The following ANKUB1 variants were observed in gnomAD, a reference collection of about 807,000 sequenced individuals.
ANKUB1 encodes ankyrin repeat and ubiquitin domain containing 1.
Under a neutral mutation model 49.3 loss-of-function variants are expected in ANKUB1, and 42 were observed. The ratio of observed to expected loss-of-function variants is 0.85; its 90% confidence interval spans 0.67 to 1.10. ANKUB1 has a LOEUF of 1.10. Ranked by LOEUF, ANKUB1 falls within the 50% of genes least tolerant of loss-of-function variation. The pLI is 0.00. For synonymous variants in ANKUB1, 222 were observed against 231.0 expected (o/e 0.96, Z 0.35); for missense variants, 613 against 642.0 (o/e 0.95, Z 0.49).
At chr3:149,768,140 C>A (rs1717150560) in intron 4 of ANKUB1, 45 bp from the exon 5 acceptor site, 1 of 1,239,944 alleles carries the variant, frequency 8.1e-7, no homozygotes, top group Non-Finnish European at 1.1e-6. Flanking sequence ...AGAAAATCAG[C>A]AAACAGACAA....
At chr3:149,780,115 A>G in intron 3 of ANKUB1, 124 bp downstream of exon 3, 1 of 766,196 alleles carries the variant, frequency 1.3e-6, no homozygotes. Context: ...GTGAATATGT[A>G]AATAAAGTTA....
chr3:149,785,868 G>C (rs1383315080), intron 2 of ANKUB1, among the ~76,000 whole-genome samples: 1 of 152,150 alleles, frequency 6.6e-6, no homozygotes, highest in East Asian at 1.9e-4. Context: ...CTAGTTTACA[G>C]TCCCACCAAC....
chr3:149,786,893 T>G (rs1412297213), intron 2 of ANKUB1, among the ~76,000 whole-genome samples: 1 of 152,212 alleles, frequency 6.6e-6, no homozygotes, highest in Non-Finnish European at 1.5e-5. Context: ...CAATGTGTGA[T>G]ATTATTTCTG....
intron 5 of ANKUB1, among the ~76,000 whole-genome samples, chr3:149,763,696 A>G (rs1716869256): frequency 6.6e-6 from 1 of 152,196 alleles, no homozygotes; most frequent in South Asian, 2.1e-4. Flanking sequence ...TATTTTCTAG[A>G]CACACCTTAC....
At chr3:149,762,163 T>C (rs1022358139) in intron 5 of ANKUB1, among the ~76,000 whole-genome samples, 3 of 152,186 alleles carry the variant, frequency 2.0e-5, no homozygotes, top group African/African-American at 7.2e-5. Flanking sequence ...CCTTAAATGT[T>C]GGGGTCCTCC....
At chr3:149,782,991 A>G (rs1224819938) in intron 2 of ANKUB1, 1 of 152,156 alleles carries the variant, frequency 6.6e-6, no homozygotes, top group African/African-American at 2.4e-5. Context: ...TATCACATAA[A>G]TAAATAATAA....
chr3:149,781,789 C>T (rs1717883505), intron 2 of ANKUB1, among the ~76,000 whole-genome samples: 1 of 152,174 alleles, frequency 6.6e-6, no homozygotes, highest in South Asian at 2.1e-4. Context: ...GTACTTTGAT[C>T]TAGGGCCCAT....
At chr3:149,770,529 G>A in intron 4 of ANKUB1, 31 bp downstream of exon 4, 1 of 1,458,834 alleles carries the variant, frequency 6.9e-7, no homozygotes, top group Non-Finnish European at 9.4e-7. Flanking sequence ...CACAGCACTT[G>A]CTAAGTTAAT....
At position 149,767,466 on chromosome 3, in the gene ANKUB1, T is replaced by C. The variant is rs1445818909; in HGVS notation, c.1196A>G (p.Asp399Gly). 6.4e-7 allele frequency: 1 copy of C among 1,551,628 alleles called. No homozygotes were observed. Among genetic ancestry groups the C allele is most frequent in the Non-Finnish European group, 8.7e-7 (1 of 1,147,002 alleles). The change falls in exon 5 of 6, where the codon GAC becomes GGC. Residue 399 changes from aspartate (D) to glycine (G), a missense_variant. Physicochemically the swap from Asp to Gly is moderately conservative, Grantham distance 94. Coordinates refer to ENST00000446160, the MANE Select transcript of ANKUB1 (RefSeq NM_001144960.3). ...PVNPLAISQP[D>G]TRKQALKFHP... ...AAATTTGAGGGCTTGTTTTCTTGTG[T>C]CCGGCTGTGAAATTGCCAAAGGATT...
chr3:149,771,151 A>C (rs1717342735), intron 3 of ANKUB1, among the ~76,000 whole-genome samples: 1 of 152,268 alleles, frequency 6.6e-6, no homozygotes, highest in South Asian at 2.1e-4. Context: ...TCTCCGTTAC[A>C]AACATTAAAG....
intron 3 of ANKUB1, among the ~76,000 whole-genome samples, chr3:149,774,186 C>T (rs1019877749): frequency 1.3e-5 from 2 of 152,182 alleles, no homozygotes; most frequent in South Asian, 4.1e-4. Context: ...TTCTGAATTT[C>T]CTACTCTAAA....
chr3:149,783,819 T>A (rs1717969067), intron 2 of ANKUB1: 1 of 152,214 alleles, frequency 6.6e-6, no homozygotes, highest in Non-Finnish European at 1.5e-5. Flanking sequence ...GGAGAGATTA[T>A]CCATGGAGTC....
rs1445812710 is a variant in ANKUB1 at position 149,768,160 on chromosome 3, C to T, written c.567-65G>A. The T allele has an allele frequency of 1.3e-5, 14 of 1,075,144 alleles. No homozygotes were observed. The East Asian group carries it at 3.5e-4, about 27-fold the overall frequency. 66.6% of individuals were successfully genotyped at this position (1,075,144 alleles called of 1,614,324 possible). A position where few individuals can be genotyped will look rare whatever the true frequency, so the allele number is the denominator to read the frequency against. On this transcript the variant is annotated intron_variant, in intron 4 of 5. Transcript: ENST00000446160. ...ATCAGCAAACAGACAAATGTAGTTA[C>T]ACTAAATGCTCATGAAATATTCTAG... is the stretch of plus-strand genomic sequence containing the variant.
intron 2 of ANKUB1, among the ~76,000 whole-genome samples, chr3:149,784,063 T>G (rs1397983029): frequency 6.6e-6 from 1 of 152,214 alleles, no homozygotes; most frequent in Admixed American, 6.5e-5. Context: ...GTTTATCATT[T>G]TGAATCAAAT....
intron 3 of ANKUB1, among the ~76,000 whole-genome samples, chr3:149,776,356 T>G (rs1409440422): frequency 6.6e-6 from 1 of 152,122 alleles, no homozygotes; most frequent in Non-Finnish European, 1.5e-5. Flanking sequence ...CTTAAGACAT[T>G]CCTCTCTATA....
rs1716781553 is a variant in ANKUB1 at position 149,761,523 on chromosome 3, A to G, written c.1596T>C (p.Gly532=). The change falls in exon 6 of 6, where the codon GGT becomes GGC. Residue 532 remains glycine (G), a synonymous_variant. Transcript: ENST00000446160. ...CTAGAGAGTTTTCACACGCTGTCAGACCTCCTCGGGTAGTCAAGTTAGAAA... is the reference window on the plus strand; with the variant it reads ...CTAGAGAGTTTTCACACGCTGTCAGGCCTCCTCGGGTAGTCAAGTTAGAAA... ...KSISNLTTRG[G]LTACENSLET... The G allele has an allele frequency of 5.8e-6, 9 of 1,551,276 alleles. No individual in the cohort carries two copies. Among genetic ancestry groups the G allele is most frequent in the Non-Finnish European group, 7.8e-6 (9 of 1,146,840 alleles).
intron 5 of ANKUB1, chr3:149,766,851 A>AAG: frequency 1.6e-5 from 19 of 1,173,756 alleles, no homozygotes; most frequent in South Asian, 9.3e-5. Flanking sequence ...CAGCAGCAGC[A>AAG]GCAGCAGCAG....
At chr3:149,762,683 A>G (rs553895102) in intron 5 of ANKUB1, among the ~76,000 whole-genome samples, 1 of 152,330 alleles carries the variant, frequency 6.6e-6, no homozygotes, top group South Asian at 2.1e-4. Context: ...ACAAAAACTG[A>G]TTATGGAACT....
At chr3:149,766,260 A>G (rs1717009042) in intron 5 of ANKUB1, among the ~76,000 whole-genome samples, 1 of 152,198 alleles carries the variant, frequency 6.6e-6, no homozygotes, top group African/African-American at 2.4e-5. Context: ...ACCCTGTCCA[A>G]TACAGATCTC....
Sources: gnomAD v4.1 joint callset for allele counts (sites outside exome capture counted in the v4.1 genomes callset) on GRCh38, gnomAD v4.1.1 for gene constraint, MANE v1.5 for transcripts, NCBI Gene and HGNC (gene_info 2026-07-23, HGNC 2026-07-21) for gene names.